The following BTBD7 variants were observed in gnomAD, a reference collection of about 807,000 sequenced individuals.
BTBD7 encodes BTB/POZ domain-containing protein 7.
Under a neutral mutation model 99.9 loss-of-function variants are expected in BTBD7, and 38 were observed. The observed-to-expected ratio is 0.38, with a 90% CI of 0.29 to 0.50. BTBD7 has a LOEUF of 0.50. Ranked by LOEUF, BTBD7 falls within the 20% of genes least tolerant of loss-of-function variation. BTBD7 has a pLI of 0.93. For missense variants in BTBD7, 1,170 were observed against 1,394.6 expected (o/e 0.84, Z 2.57); for synonymous variants, 520 against 511.4 (o/e 1.02, Z -0.23).
chr14:93,238,714 A>T lies in BTBD7; in HGVS notation c.*3559T>A, dbSNP rs2052187981. ...TGCCGGGTAGTTACTGAGAAATGTC[A>T]ATCCTTTCAACTCTAGAGAATGATG... On this transcript the variant is annotated 3_prime_UTR_variant, in exon 11 of 11. Coordinates refer to ENST00000334746, the MANE Select transcript of BTBD7 (RefSeq NM_001002860.4). 6.6e-6 allele frequency: 1 copy of T among 152,224 alleles called. No individual in the cohort carries two copies. The highest frequency in any genetic ancestry group is 6.5e-5 in the Admixed American group (1 of 15,284). 9.4% of individuals were successfully genotyped at this position (152,224 alleles called of 1,614,324 possible). A position where few individuals can be genotyped will look rare whatever the true frequency, so the allele number is the denominator to read the frequency against.
intron 9 of BTBD7, among the ~76,000 whole-genome samples, chr14:93,247,127 A>G (rs912346299): frequency 2.6e-5 from 4 of 151,434 alleles, no homozygotes; most frequent in African/African-American, 9.7e-5. Flanking sequence ...TCTGGGCTCA[A>G]GTGATCTTCC....
chr14:93,316,146 GT>G (rs1354293863), intron 1 of BTBD7, among the ~76,000 whole-genome samples: 1 of 151,140 alleles, frequency 6.6e-6, no homozygotes, highest in Non-Finnish European at 1.5e-5. Flanking sequence ...TAGAGATAGG[GT>G]TTCACCATGT....
At chr14:93,284,078 T>A (rs752403237) in intron 3 of BTBD7, among the ~76,000 whole-genome samples, 2 of 152,216 alleles carry the variant, frequency 1.3e-5, no homozygotes, top group Non-Finnish European at 2.9e-5. Flanking sequence ...TACCTTTTTA[T>A]TATTAAATTT....
In BTBD7 at chr14:93,332,930, C is replaced by G. The variant is rs1408723290; in HGVS notation, c.-217G>C. 1 of 1,010,964 alleles carries G rather than the reference C, an allele frequency of 9.9e-7. No homozygotes were observed. The allele number at this position is 1,010,964 out of a possible 1,614,324, so 62.6% of individuals were successfully genotyped here. A position where few individuals can be genotyped will look rare whatever the true frequency, so the allele number is the denominator to read the frequency against. On this transcript the variant is annotated 5_prime_UTR_variant, in exon 1 of 11. Transcript: ENST00000334746. ...ACCGGCGCCAGCACCCCCGGCCATC[C>G]TCCTCCCACCGCCGCCGCCGCCGCC...
At chr14:93,317,769 T>C (rs1254991697) in intron 1 of BTBD7, among the ~76,000 whole-genome samples, 4 of 152,332 alleles carry the variant, frequency 2.6e-5, no homozygotes, top group African/African-American at 7.2e-5. Flanking sequence ...TGATTTACTA[T>C]GCCTAAACTG....
intron 7 of BTBD7, among the ~76,000 whole-genome samples, chr14:93,251,985 A>G (rs993503013): frequency 3.9e-5 from 6 of 152,210 alleles, no homozygotes; most frequent in African/African-American, 1.4e-4. Flanking sequence ...TAACAAATCC[A>G]ACAAAGTGCT....
chr14:93,279,734 G>GTTTTT (rs1465864588), intron 3 of BTBD7, among the ~76,000 whole-genome samples: 12 of 152,074 alleles, frequency 7.9e-5, no homozygotes, highest in African/African-American at 2.9e-4. Flanking sequence ...TTTTAGTAGA[G>GTTTTT]ACAAGGTTTC....
intron 1 of BTBD7, among the ~76,000 whole-genome samples, 188 bp downstream of exon 1, chr14:93,332,632 C>T (rs1595352841): frequency 6.6e-6 from 1 of 151,598 alleles, no homozygotes; most frequent in African/African-American, 2.4e-5. Flanking sequence ...AGTCCGGCGC[C>T]GCCGCGCCTC....
chr14:93,313,723 C>T lies in BTBD7; in HGVS notation c.-106-17566G>A. 1.3e-5 allele frequency among the ~76,000 whole-genome samples: 2 copies of T among 150,326 alleles called. 1 individual carries two copies. The highest frequency in any genetic ancestry group is 3.9e-4 in the East Asian group (2 of 5,100). The stretch of plus-strand genomic sequence containing the variant: ...ACACACACACACACACACAATCACA[C>T]ATATATACACACACATTTATTTTAA... On this transcript the variant is annotated intron_variant, in intron 1 of 10. Transcript: ENST00000334746.
Position 93,238,027 on chromosome 14 carries a change from GA to G in BTBD7, c.*4245del, listed in dbSNP as rs2052180278. ...TTTATCTCTCAGCCACCCCATCGAAGAGCAGGACTTGGTACCGCCTGCCCAT... is the reference window on the plus strand; with the variant it reads ...TTTATCTCTCAGCCACCCCATCGAAGGCAGGACTTGGTACCGCCTGCCCAT... On this transcript the variant is annotated 3_prime_UTR_variant, in exon 11 of 11. Transcript: ENST00000334746. 6.6e-6 allele frequency: 1 copy of G among 152,404 alleles called. No individual in the cohort carries two copies. Among genetic ancestry groups the G allele is most frequent in the South Asian group, 2.1e-4 (1 of 4,838 alleles). 9.4% of individuals were successfully genotyped at this position (152,404 alleles called of 1,614,324 possible). A position where few individuals can be genotyped will look rare whatever the true frequency, so the allele number is the denominator to read the frequency against.
Position 93,245,858 on chromosome 14 carries a change from T to C in BTBD7, c.2550A>G (p.Thr850=), listed in dbSNP as rs2052298244. ...AAAATTTSTA[T]AAAAAASEKQ... is the part of the protein sequence containing the mutation. ...TCTCAGATGCTGCTGCTGCTGCTGCTGTTGCTGTTGAGGTGGTGGTGGCGG... is the reference window on the plus strand; with the variant it reads ...TCTCAGATGCTGCTGCTGCTGCTGCCGTTGCTGTTGAGGTGGTGGTGGCGG... Residue 850 remains threonine (T), a synonymous_variant, in exon 10 of 11, where the codon ACA becomes ACG. Coordinates refer to ENST00000334746, the MANE Select transcript of BTBD7 (RefSeq NM_001002860.4). 1 of 1,613,650 alleles carries C rather than the reference T, an allele frequency of 6.2e-7. No homozygotes were observed. Among genetic ancestry groups the C allele is most frequent in the Non-Finnish European group, 8.5e-7 (1 of 1,179,758 alleles).
At chr14:93,300,912 G>A (rs138832871) in intron 1 of BTBD7, among the ~76,000 whole-genome samples, 1 of 152,060 alleles carries the variant, frequency 6.6e-6, no homozygotes, top group South Asian at 2.1e-4. Flanking sequence ...ACGGTGCCCA[G>A]CTGGAAGGTA....
At chr14:93,255,301 A>G (rs1296251146) in intron 6 of BTBD7, among the ~76,000 whole-genome samples, 1 of 152,112 alleles carries the variant, frequency 6.6e-6, no homozygotes, top group Non-Finnish European at 1.5e-5. Context: ...GCATGCCACC[A>G]TGCCTGGCTA....
At chr14:93,273,951 A>G (rs1238477120) in intron 3 of BTBD7, among the ~76,000 whole-genome samples, 1 of 152,222 alleles carries the variant, frequency 6.6e-6, no homozygotes, top group Non-Finnish European at 1.5e-5. Flanking sequence ...GTGGCTATAC[A>G]ACAGCAGTTC....
At position 93,294,121 on chromosome 14, in the gene BTBD7, T is replaced by G; in HGVS notation, c.899A>C (p.Glu300Ala). ...CCTCAAAGTTCGGTCTGTGATTTCT[T>G]CACCAGTTCGTATCCTCCTTTGTAA... The part of the protein sequence containing the change: ...NLLQRRIRTG[E>A]EITDRTLRTP... The change falls in exon 3 of 11, where the codon GAA becomes GCA. Residue 300 changes from glutamate to alanine, a missense_variant. Around this residue, in one of 4 missense-constraint regions of BTBD7, gnomAD observed 359 missense variants for 497.9 expected, o/e 0.72. Coordinates refer to ENST00000334746, the MANE Select transcript of BTBD7 (RefSeq NM_001002860.4). 1 of 1,614,178 alleles carries G rather than the reference T, an allele frequency of 6.2e-7. No homozygotes were observed. The highest frequency in any genetic ancestry group is 8.5e-7 in the Non-Finnish European group (1 of 1,180,026).
Position 93,294,750 on chromosome 14 carries a change from G to C in BTBD7, c.270C>G (p.Leu90=). 6.2e-7 allele frequency: 1 copy of C among 1,613,950 alleles called. No homozygotes were observed. Among genetic ancestry groups the C allele is most frequent in the Non-Finnish European group, 8.5e-7 (1 of 1,180,000 alleles). ...TGACATCTCTAACATCCCACCCAGA[G>C]AGGAGTTCTCGCATCTGCTTGGCAT... ...ADHAKQMREL[L]SGWDVRDVNA... is the part of the protein sequence containing the mutation. The change falls in exon 3 of 11, where the codon CTC becomes CTG. Residue 90 remains leucine (L), a synonymous_variant. Coordinates refer to ENST00000334746, the MANE Select transcript of BTBD7 (RefSeq NM_001002860.4).
At chr14:93,322,462 AC>A (rs1878665398) in intron 1 of BTBD7, among the ~76,000 whole-genome samples, 1 of 152,128 alleles carries the variant, frequency 6.6e-6, no homozygotes, top group African/African-American at 2.4e-5. Flanking sequence ...TTAAACATAT[AC>A]TATTACTATT....
Position 93,295,505 on chromosome 14 carries a change from G to A in BTBD7, c.82+465C>T, listed in dbSNP as rs533961244. On this transcript the variant is annotated intron_variant, in intron 2 of 10. Transcript: ENST00000334746. ...TAAATTTTTTTAGAAAAAGTCTTTC[G>A]TTCCCTGGCTATCAAAGGACATTTG... Among the ~76,000 whole-genome samples the A allele has an allele frequency of 2.3e-3, 351 of 152,170 alleles. 1 individual carries two copies. The highest frequency in any genetic ancestry group is 8.1e-3 in the African/African-American group (336 of 41,510).
intron 1 of BTBD7, among the ~76,000 whole-genome samples, chr14:93,316,246 T>C (rs958918297): frequency 5.8e-5 from 8 of 138,718 alleles, no homozygotes; most frequent in African/African-American, 2.4e-4. Context: ...CAAGCCACCA[T>C]GCCCAGTCTT....
Sources: gnomAD v4.1 joint callset for allele counts (sites outside exome capture counted in the v4.1 genomes callset) on GRCh38, gnomAD v4.1.1 for gene constraint, gnomAD v4.1.1 regional missense constraint, MANE v1.5 for transcripts, NCBI Gene and HGNC (gene_info 2026-07-23, HGNC 2026-07-21) for gene names.